BCR: variants seen among roughly 807,000 people sequenced by gnomAD.
BCR encodes BCR activator of RhoGEF and GTPase.
A neutral mutation model predicts 138.6 loss-of-function variants in BCR; 58 were observed. The observed-to-expected ratio is 0.42, with a 90% CI of 0.34 to 0.52. The LOEUF is 0.52. BCR is among the 20% of genes least tolerant of loss of function. The pLI, the probability that BCR is intolerant of heterozygous loss-of-function variation, is 0.06. For synonymous variants in BCR, 786 were observed against 730.1 expected, an observed-to-expected ratio of 1.08 and a Z score of -1.23; for missense variants, 1,599 against 1,727.2, an observed-to-expected ratio of 0.93 and a Z score of 1.32.
rs545987446 is a variant in BCR, at chr22:23,264,256, C to T, written c.1752+2716C>T. ...TGCCCGCACACCTTCCCGCTGACGT[C>T]GACCCGCCTCGGCAGCCCTGTGTAC... On this transcript the variant is annotated intron_variant, in intron 4 of 22. Coordinates refer to ENST00000305877, the MANE Select transcript of BCR (RefSeq NM_004327.4). 8.4e-5 allele frequency: 79 copies of T among 939,814 alleles called. 1 individual carries two copies. Among genetic ancestry groups the T allele is most frequent in the South Asian group, 7.4e-4 (57 of 77,376 alleles). 58.2% of individuals were successfully genotyped at this position (939,814 alleles called of 1,614,324 possible). A position where few individuals can be genotyped will look rare whatever the true frequency, so the allele number is the denominator to read the frequency against.
chr22:23,185,424 G>C (rs1010846705), intron 1 of BCR, among the ~76,000 whole-genome samples: 4 of 152,110 alleles, frequency 2.6e-5, no homozygotes, highest in African/African-American at 4.8e-5. Context: ...CCAGCACTTA[G>C]GGAGTCCAAG....
intron 1 of BCR, chr22:23,198,203 A>T (rs909607826): frequency 7.3e-6 from 3 of 408,390 alleles, no homozygotes; most frequent in East Asian, 1.6e-4. Context: ...CACAGTGTCC[A>T]GCATTCTGGC....
chr22:23,204,324 T>C (rs1184421164), intron 1 of BCR, among the ~76,000 whole-genome samples: 1 of 152,198 alleles, frequency 6.6e-6, no homozygotes, highest in African/African-American at 2.4e-5. Flanking sequence ...CGTAGACTCC[T>C]TGGGCCTCTG....
chr22:23,274,336 A>C (rs984731620), intron 8 of BCR, among the ~76,000 whole-genome samples: 1 of 152,230 alleles, frequency 6.6e-6, no homozygotes, highest in Non-Finnish European at 1.5e-5. Flanking sequence ...TGTGCACATC[A>C]TCGATGAGCA....
rs539597645 is a variant in BCR, at chr22:23,291,600, G to A, written c.2783-941G>A. ...ACACCCTACGCTGCCCCGTGGTCCC[G>A]GGCTTGTCTCTCCTTGCCTCCCTGT... On this transcript the variant is annotated intron_variant, in intron 14 of 22. Transcript: ENST00000305877. 6.2e-3 allele frequency among the ~76,000 whole-genome samples: 948 copies of A among 151,966 alleles called. 9 individuals are homozygous for A. Among genetic ancestry groups the A allele is most frequent in the African/African-American group, 0.021 (850 of 41,430 alleles).
chr22:23,233,704 C>T (rs1369535178), intron 1 of BCR, among the ~76,000 whole-genome samples: 2 of 151,066 alleles, frequency 1.3e-5, no homozygotes, highest in Non-Finnish European at 2.9e-5. Context: ...GCACAAGAAT[C>T]GCTTGAACCC....
intron 7 of BCR, 114 bp from the exon 8 acceptor site, chr22:23,273,520 C>T: frequency 7.1e-7 from 1 of 1,399,788 alleles, no homozygotes; most frequent in Non-Finnish European, 9.9e-7. Context: ...ACTGTGGTGA[C>T]ACTGAGGGAG....
chr22:23,204,682 A>G, intron 1 of BCR, among the ~76,000 whole-genome samples: 1 of 152,144 alleles, frequency 6.6e-6, no homozygotes, highest in Admixed American at 6.5e-5. Flanking sequence ...CTTACTGCCC[A>G]CTGGCCAGTC....
At chr22:23,310,151 T>G (rs574434748) in intron 17 of BCR, 173 bp from the exon 18 acceptor site, 11 of 450,438 alleles carry the variant, frequency 2.4e-5, no homozygotes, top group Admixed American at 2.0e-4. Context: ...TCAACAATCC[T>G]GGCTCTTGCT....
In BCR at chr22:23,181,581, C is replaced by T. The variant is rs2072262311; in HGVS notation, c.621C>T (p.Ala207=). ...GCATCAGCTCCCTGGGCAGCCAGGC[C>T]ATGCAGATGGAGCGCAAAAAGTCCC... The part of the protein sequence containing the change: ...SDRISSLGSQ[A]MQMERKKSQH... The change falls in exon 1 of 23, where the codon GCC becomes GCT. Residue 207 remains alanine (A), a synonymous_variant. Coordinates refer to ENST00000305877, the MANE Select transcript of BCR (RefSeq NM_004327.4). The T allele has an allele frequency of 6.2e-7, 1 of 1,612,914 alleles. No individual in the cohort carries two copies.
chr22:23,268,468 G>A lies in BCR; in HGVS notation c.1813G>A (p.Ala605Thr). Residue 605 changes from alanine (A) to threonine (T), a missense_variant, in exon 5 of 23, where the codon GCT becomes ACT. By Grantham distance (58) the Ala-to-Thr change is moderately conservative (BLOSUM62 0). Transcript: ENST00000305877. Reference sequence around the variant, plus strand: ...CAACTACGGAGTTGCCATGGAAATGGCTGAGAAGTGCTGTCAGGCCAATGC... The same window carrying A: ...CAACTACGGAGTTGCCATGGAAATGACTGAGAAGTGCTGTCAGGCCAATGC... ...VDNYGVAMEM[A>T]EKCCQANAQF... 6.2e-7 allele frequency: 1 copy of A among 1,613,964 alleles called. No individual in the cohort carries two copies. The highest frequency in any genetic ancestry group is 8.5e-7 in the Non-Finnish European group (1 of 1,179,912).
At chr22:23,312,820 G>A (rs759584388) in intron 19 of BCR, 67 bp from the exon 20 acceptor site, 72 of 1,587,904 alleles carry the variant, frequency 4.5e-5, no homozygotes, top group Non-Finnish European at 5.6e-5. Flanking sequence ...CTTTAGCCAA[G>A]GCAGGGATGG....
chr22:23,216,583 C>T (rs993340083), intron 1 of BCR, among the ~76,000 whole-genome samples: 28 of 152,240 alleles, frequency 1.8e-4, no homozygotes, highest in African/African-American at 6.3e-4. Flanking sequence ...TTGTATCAGT[C>T]ATCTCTTGTT....
intron 1 of BCR, among the ~76,000 whole-genome samples, chr22:23,182,999 A>C (rs1429524876): frequency 6.6e-6 from 1 of 152,186 alleles, no homozygotes; most frequent in Non-Finnish European, 1.5e-5. Flanking sequence ...GTGGTAACCC[A>C]GCCCCATTTG....
intron 4 of BCR, chr22:23,264,560 C>A (rs6003593): frequency 0.33 from 152,845 of 468,366 alleles, 27,522 homozygotes; most frequent in African/African-American, 0.53. Context: ...CTCCCAGGAA[C>A]CTGTTGGAGA....
chr22:23,298,340 C>T (rs1342615044), intron 16 of BCR, among the ~76,000 whole-genome samples: 2 of 152,188 alleles, frequency 1.3e-5, no homozygotes, highest in Middle Eastern at 3.4e-3. Context: ...ACGGACTTAG[C>T]AGGATTCTTG....
chr22:23,185,325 C>G (rs908114948), intron 1 of BCR, among the ~76,000 whole-genome samples: 1 of 152,136 alleles, frequency 6.6e-6, no homozygotes, highest in East Asian at 1.9e-4. Context: ...CACCCTGGGC[C>G]CGCCTGTGGG....
intron 1 of BCR, among the ~76,000 whole-genome samples, chr22:23,198,607 C>T (rs2146207205): frequency 6.6e-6 from 1 of 152,118 alleles, no homozygotes; most frequent in Admixed American, 6.5e-5. Flanking sequence ...GGCTGGTGGC[C>T]ATGGATAAGT....
chr22:23,261,055 G>T lies in BCR; in HGVS notation c.1566+1G>T. 2 of 1,613,338 alleles carry T rather than the reference G, an allele frequency of 1.2e-6. No homozygotes were observed. The highest frequency in any genetic ancestry group is 1.7e-6 in the Non-Finnish European group (2 of 1,179,774). ...GAGCCACCTGGAGGCACTGCTGCTG[G>T]TGAGGAGGATTTAGGGAGCTGAGCA... is the stretch of plus-strand genomic sequence containing the variant. On this transcript the variant is annotated splice_donor_variant, in intron 3 of 22. Coordinates refer to ENST00000305877, the MANE Select transcript of BCR (RefSeq NM_004327.4). LOFTEE classifies it high-confidence loss of function.
Sources: allele counts gnomAD v4.1 joint callset (sites outside exome capture counted in the v4.1 genomes callset), GRCh38; gene constraint gnomAD v4.1.1; transcripts MANE v1.5; gene names NCBI Gene and HGNC (gene_info 2026-07-23, HGNC 2026-07-21).